NBAS: variants seen among roughly 807,000 people sequenced by gnomAD.
NBAS encodes the protein NAG/BC035112 fusion.
A neutral mutation model predicts 302.5 loss-of-function variants in NBAS; 219 were observed. The observed-to-expected ratio is 0.72, with a 90% CI of 0.65 to 0.81. NBAS has a LOEUF of 0.81. Ranked by LOEUF, NBAS falls within the 30% of genes least tolerant of loss-of-function variation. The pLI is 0.00. For synonymous variants in NBAS, 1,118 were observed against 1,021.6 expected, an observed-to-expected ratio of 1.09 and a Z score of -1.80; for missense variants, 2,932 against 2,841.6, an observed-to-expected ratio of 1.03 and a Z score of -0.72.
At chr2:14,787,638 T>C in the NBAS span, among the ~76,000 whole-genome samples, 1 of 152,236 alleles carries the variant, frequency 6.6e-6, no homozygotes, top group Non-Finnish European at 1.5e-5. Flanking sequence ...TTATGAATGT[T>C]GGATATTGGC....
the NBAS span, among the ~76,000 whole-genome samples, chr2:14,915,119 T>G: frequency 6.6e-6 from 1 of 152,228 alleles, no homozygotes; most frequent in Non-Finnish European, 1.5e-5. Context: ...GAACTGGCCC[T>G]GGAGGGGCAA....
chr2:15,217,633 G>A (rs1458815027), intron 48 of NBAS, among the ~76,000 whole-genome samples: 1 of 152,232 alleles, frequency 6.6e-6, no homozygotes, highest in African/African-American at 2.4e-5. Context: ...GTCTAACCCT[G>A]CGTGCTAAAG....
chr2:14,873,271 C>G, the NBAS span, among the ~76,000 whole-genome samples: 1 of 152,198 alleles, frequency 6.6e-6, no homozygotes, highest in African/African-American at 2.4e-5. Flanking sequence ...ATTTACAACC[C>G]TTTAGCTAGA....
At chr2:14,858,188 G>C in the NBAS span, among the ~76,000 whole-genome samples, 6 of 152,064 alleles carry the variant, frequency 3.9e-5, no homozygotes, top group Non-Finnish European at 7.4e-5. Flanking sequence ...TGAAGAGAAA[G>C]GGAACCCTTG....
the NBAS span, among the ~76,000 whole-genome samples, chr2:14,936,318 A>T: frequency 6.6e-6 from 1 of 152,354 alleles, no homozygotes; most frequent in African/African-American, 2.4e-5. Context: ...ATTTATTCTT[A>T]TATTTTTACC....
chr2:14,831,978 G>A, the NBAS span, among the ~76,000 whole-genome samples: 1 of 152,192 alleles, frequency 6.6e-6, no homozygotes, highest in Non-Finnish European at 1.5e-5. Context: ...ACTCATGACA[G>A]CTACACTTTA....
the NBAS span, among the ~76,000 whole-genome samples, chr2:15,015,026 AT>A: frequency 6.6e-6 from 1 of 152,058 alleles, no homozygotes; most frequent in East Asian, 1.9e-4. Context: ...AAATTTGAAA[AT>A]CTAGAGCAAA....
chr2:15,059,607 G>A, the NBAS span, among the ~76,000 whole-genome samples: 7 of 152,102 alleles, frequency 4.6e-5, no homozygotes, highest in African/African-American at 1.2e-4. Context: ...GACCTCCCTC[G>A]CACTGACCTG....
rs551975656 is a variant in NBAS, at chr2:15,328,382, G to C, written c.4348-70C>G. 2.3e-6 allele frequency: 3 copies of C among 1,317,038 alleles called. No homozygotes were observed. In the East Asian group the frequency reaches 6.9e-5, roughly 30 times the overall value. The allele number at this position is 1,317,038 out of a possible 1,614,324, so 81.6% of individuals were successfully genotyped here. On this transcript the variant is annotated intron_variant, in intron 36 of 51. Coordinates refer to ENST00000281513, the MANE Select transcript of NBAS (RefSeq NM_015909.4). The stretch of plus-strand genomic sequence containing the variant: ...AGGCAAGGAGGTAGAAGAAGTAAAA[G>C]CAAGGAAAGAAGGGAGAGAGGGAGG...
chr2:15,211,453 T>C (rs1666406451), intron 48 of NBAS, among the ~76,000 whole-genome samples: 1 of 152,232 alleles, frequency 6.6e-6, no homozygotes. Context: ...GTATACAGAA[T>C]ACTTTGCATA....
chr2:15,205,058 A>C (rs1666076357), intron 48 of NBAS, among the ~76,000 whole-genome samples: 1 of 152,190 alleles, frequency 6.6e-6, no homozygotes. Flanking sequence ...GAAATTACAG[A>C]ATAAGATATA....
chr2:15,377,887 T>C (rs942779528), intron 30 of NBAS, among the ~76,000 whole-genome samples: 3 of 152,180 alleles, frequency 2.0e-5, no homozygotes, highest in African/African-American at 4.8e-5. Flanking sequence ...GGGCAAACGA[T>C]TGGGCTCAAA....
chr2:14,790,593 C>T, the NBAS span, among the ~76,000 whole-genome samples: 1 of 151,298 alleles, frequency 6.6e-6, no homozygotes, highest in Non-Finnish European at 1.5e-5. Context: ...ATGCTGTATC[C>T]AAGCCACTCT....
chr2:14,821,541 C>T, the NBAS span, among the ~76,000 whole-genome samples: 1 of 152,140 alleles, frequency 6.6e-6, no homozygotes, highest in Non-Finnish European at 1.5e-5. Flanking sequence ...AAATCCCCTG[C>T]TATTTTCCCC....
intron 12 of NBAS, among the ~76,000 whole-genome samples, chr2:15,486,622 T>A (rs1172818772): frequency 1.3e-5 from 2 of 152,200 alleles, no homozygotes; most frequent in Admixed American, 6.5e-5. Flanking sequence ...ATTTTTTCAA[T>A]TTCTGAGGTC....
At chr2:14,999,182 C>T in the NBAS span, among the ~76,000 whole-genome samples, 2 of 151,994 alleles carry the variant, frequency 1.3e-5, no homozygotes, top group Non-Finnish European at 1.5e-5. Context: ...GAGGGCTCCA[C>T]TCCAGTTAAC....
chr2:14,818,825 C>T, the NBAS span, among the ~76,000 whole-genome samples: 44 of 152,178 alleles, frequency 2.9e-4, no homozygotes, highest in Non-Finnish European at 4.9e-4. Flanking sequence ...CTCTGCTCTC[C>T]GGGTACTGAA....
At chr2:15,556,627 T>C (rs1319690824) in intron 3 of NBAS, among the ~76,000 whole-genome samples, 156 bp downstream of exon 3, 1 of 152,198 alleles carries the variant, frequency 6.6e-6, no homozygotes, top group Non-Finnish European at 1.5e-5. Flanking sequence ...TCTTGTCAGA[T>C]TCTACCTAAA....
chr2:15,038,469 C>T, the NBAS span, among the ~76,000 whole-genome samples: 2 of 152,294 alleles, frequency 1.3e-5, no homozygotes, highest in Non-Finnish European at 2.9e-5. Context: ...AAGAACCAAA[C>T]ATCTCACTTC....
Sources: gnomAD v4.1 joint callset for allele counts (sites outside exome capture counted in the v4.1 genomes callset) on GRCh38, gnomAD v4.1.1 for gene constraint, MANE v1.5 for transcripts, NCBI Gene and HGNC (gene_info 2026-07-23, HGNC 2026-07-21) for gene names.